HEG1: variants seen among roughly 807,000 people sequenced by gnomAD.
HEG1 encodes heart development protein with EGF like domains 1, also known as protein HEG homolog 1.
Under a neutral mutation model 125.6 loss-of-function variants are expected in HEG1, and 56 were observed. That is an observed-to-expected ratio of 0.45 (90% CI 0.36 to 0.56). The LOEUF is 0.56. HEG1 is among the 20% of genes least tolerant of loss of function. The probability of loss-of-function intolerance (pLI) is 0.00; values close to 1 mark genes in which losing one functional copy is unlikely to be tolerated. For synonymous variants in HEG1, 644 were observed against 668.5 expected, an observed-to-expected ratio of 0.96 and a Z score of 0.57; for missense variants, 1,523 against 1,670.0, an observed-to-expected ratio of 0.91 and a Z score of 1.53.
At chr3:124,987,561 C>T (rs375763484) in intron 14 of HEG1, among the ~76,000 whole-genome samples, 6 of 137,454 alleles carry the variant, frequency 4.4e-5, no homozygotes, top group Non-Finnish European at 6.1e-5. Flanking sequence ...CTCGCTGTGT[C>T]GCCCGGGCCA....
At chr3:125,045,398 A>C (rs191553289) in intron 1 of HEG1, among the ~76,000 whole-genome samples, 15 of 152,266 alleles carry the variant, frequency 9.9e-5, no homozygotes, top group Admixed American at 2.0e-4. Flanking sequence ...ATCTTGTTAC[A>C]CAATTCTAGC....
intron 1 of HEG1, among the ~76,000 whole-genome samples, chr3:125,033,786 A>G (rs1937520563): frequency 6.6e-6 from 1 of 152,218 alleles, no homozygotes; most frequent in South Asian, 2.1e-4. Context: ...TGGGCGAGCG[A>G]GCATTACCGC....
In HEG1 at chr3:125,003,266, T is replaced by C. The variant is rs146518689; in HGVS notation, c.3298-951A>G. 9.2e-5 allele frequency among the ~76,000 whole-genome samples: 14 copies of C among 152,288 alleles called. No homozygotes were observed. In the East Asian group the frequency reaches 2.7e-3, roughly 29 times the overall value. ...ACAGGTATGTTACATCACCAGTAAA[T>C]TATACATTGATACTGGGCAAAAAAT... On this transcript the variant is annotated intron_variant, in intron 9 of 16. Transcript: ENST00000311127.
chr3:124,970,244 A>G lies in HEG1; in HGVS notation c.*408T>C, dbSNP rs1936401475. ...CCTATGGAAGTGTCTCGGGAAAGGAAGCCTTCTTTCTGGAACAGTCTCAAA... is the reference window on the plus strand; with the variant it reads ...CCTATGGAAGTGTCTCGGGAAAGGAGGCCTTCTTTCTGGAACAGTCTCAAA... On this transcript the variant is annotated 3_prime_UTR_variant, in exon 17 of 17. Transcript: ENST00000311127. The G allele has an allele frequency of 6.3e-6, 1 of 159,650 alleles. No individual in the cohort carries two copies. The highest frequency in any genetic ancestry group is 1.4e-5 in the Non-Finnish European group (1 of 73,228). 9.9% of individuals were successfully genotyped at this position (159,650 alleles called of 1,614,324 possible).
At chr3:124,995,474 G>A (rs1293772047) in intron 12 of HEG1, among the ~76,000 whole-genome samples, 6 of 152,344 alleles carry the variant, frequency 3.9e-5, no homozygotes, top group South Asian at 2.1e-4. Context: ...GCACGCACAC[G>A]CTGCAGAGAA....
Position 125,001,840 on chromosome 3 carries a change from C to G in HEG1, c.3517+12G>C, listed in dbSNP as rs757131077. Reference sequence around the variant, plus strand: ...ATATGGGTAGGATCCTCCCAGAGGGCTGCCCTCTTACCTCTAAAGATCCGC... The same window carrying G: ...ATATGGGTAGGATCCTCCCAGAGGGGTGCCCTCTTACCTCTAAAGATCCGC... On this transcript the variant is annotated intron_variant, in intron 11 of 16. Coordinates refer to ENST00000311127, the MANE Select transcript of HEG1 (RefSeq NM_020733.2). The G allele has an allele frequency of 6.2e-7, 1 of 1,610,218 alleles. No individual in the cohort carries two copies. The highest frequency in any genetic ancestry group is 1.7e-5 in the Admixed American group (1 of 59,572).
chr3:125,020,328 A>G (rs780155772), intron 4 of HEG1, among the ~76,000 whole-genome samples: 4 of 152,230 alleles, frequency 2.6e-5, no homozygotes, highest in Non-Finnish European at 5.9e-5. Flanking sequence ...CTGGAGGCTA[A>G]GGTGAGAGAT....
intron 3 of HEG1, among the ~76,000 whole-genome samples, 198 bp downstream of exon 3, chr3:125,027,007 T>C (rs1937424398): frequency 6.6e-6 from 1 of 152,112 alleles, no homozygotes; most frequent in Non-Finnish European, 1.5e-5. Flanking sequence ...ATGTTAAACA[T>C]GAGGCTCAAT....
At chr3:125,045,069 G>C (rs1270778381) in intron 1 of HEG1, among the ~76,000 whole-genome samples, 1 of 152,228 alleles carries the variant, frequency 6.6e-6, no homozygotes. Context: ...TGGGAGATTA[G>C]TGGGACCATT....
At position 124,982,142 on chromosome 3, in the gene HEG1, C is replaced by T. The variant is rs191361382; in HGVS notation, c.3734-4196G>A. 9.0e-3 allele frequency among the ~76,000 whole-genome samples: 1,372 copies of T among 152,266 alleles called. 7 individuals are homozygous for T. Among genetic ancestry groups the T allele is most frequent in the Non-Finnish European group, 0.015 (987 of 68,020 alleles). The stretch of plus-strand genomic sequence containing the variant: ...GTCTCAAACTCCTGACCTCATGATC[C>T]GCCTGCCTCGGCCTCCCAAAGTGCT... On this transcript the variant is annotated intron_variant, in intron 14 of 16. Transcript: ENST00000311127.
At chr3:125,016,648 T>C (rs1937254065) in intron 5 of HEG1, among the ~76,000 whole-genome samples, 1 of 152,248 alleles carries the variant, frequency 6.6e-6, no homozygotes. Flanking sequence ...TATTCTTTCA[T>C]GATAAGCATA....
chr3:125,027,547 C>G (rs1362944518), intron 2 of HEG1, 40 bp from the exon 3 acceptor site: 2 of 1,521,236 alleles, frequency 1.3e-6, no homozygotes, highest in East Asian at 2.3e-5. Flanking sequence ...CACCAGCAGA[C>G]TTCAAAATGT....
intron 10 of HEG1, 38 bp downstream of exon 10, chr3:125,002,219 C>T (rs373620259): frequency 5.0e-6 from 8 of 1,586,124 alleles, no homozygotes; most frequent in Non-Finnish European, 6.9e-6. Flanking sequence ...CCCCTTTGTA[C>T]AGACTAGTTC....
intron 1 of HEG1, among the ~76,000 whole-genome samples, chr3:125,036,927 T>G (rs896067340): frequency 2.0e-5 from 3 of 152,256 alleles, no homozygotes; most frequent in African/African-American, 7.2e-5. Context: ...GCATATATTT[T>G]GGCCCAAGAA....
At chr3:125,045,964 C>T (rs923966818) in intron 1 of HEG1, among the ~76,000 whole-genome samples, 5 of 152,208 alleles carry the variant, frequency 3.3e-5, no homozygotes, top group Non-Finnish European at 5.9e-5. Context: ...GTTACAAGTG[C>T]TTTCACAGTC....
intron 14 of HEG1, among the ~76,000 whole-genome samples, chr3:124,986,300 A>C (rs1936740289): frequency 6.6e-6 from 1 of 152,200 alleles, no homozygotes; most frequent in South Asian, 2.1e-4. Flanking sequence ...TTTCTTGCCT[A>C]CGAAAAATCC....
At chr3:125,022,359 G>C (rs1937346950) in intron 3 of HEG1, among the ~76,000 whole-genome samples, 1 of 151,538 alleles carries the variant, frequency 6.6e-6, no homozygotes, top group Non-Finnish European at 1.5e-5. Flanking sequence ...GTGCAGTTGT[G>C]AGCAAAACCA....
At chr3:125,014,561 T>TCCTGAGGTGGGAGAATCTAGA (rs2107701431) in intron 5 of HEG1, among the ~76,000 whole-genome samples, 1 of 152,272 alleles carries the variant, frequency 6.6e-6, no homozygotes, top group Non-Finnish European at 1.5e-5. Flanking sequence ...GTATTCACCT[T>TCCTGAGGTGGGAGAATCTAGA]CCTGAGGTGG....
intron 3 of HEG1, among the ~76,000 whole-genome samples, chr3:125,023,250 A>T (rs1937362771): frequency 1.3e-5 from 2 of 151,944 alleles, no homozygotes; most frequent in Non-Finnish European, 1.5e-5. Context: ...AAAAAACTCC[A>T]GTGGTGATAC....
Sources: gnomAD v4.1 joint callset for allele counts (sites outside exome capture counted in the v4.1 genomes callset) on GRCh38, gnomAD v4.1.1 for gene constraint, MANE v1.5 for transcripts, NCBI Gene and HGNC (gene_info 2026-07-23, HGNC 2026-07-21) for gene names.